TRIM58: variants seen among roughly 807,000 people sequenced by gnomAD.
TRIM58 encodes the protein tripartite motif containing 58.
A neutral mutation model predicts 34.1 loss-of-function variants in TRIM58; 38 were observed. That is an observed-to-expected ratio of 1.12 (90% CI 0.86 to 1.46). The LOEUF (loss-of-function observed/expected upper bound fraction) is 1.46, where lower values mean the gene tolerates loss of function less well. Among genes scored for constraint, TRIM58 ranks in the 40% most tolerant of loss-of-function variants. The pLI is 0.00. For synonymous variants in TRIM58, 273 were observed against 275.7 expected (o/e 0.99, Z 0.10); for missense variants, 677 against 642.0 (o/e 1.05, Z -0.59).
chr1:247,867,566 G>A (rs181636728), intron 3 of TRIM58, among the ~76,000 whole-genome samples: 5 of 152,200 alleles, frequency 3.3e-5, no homozygotes, highest in South Asian at 2.1e-4. Context: ...TTAGCCAGGC[G>A]TGGTGGCGGG....
Position 247,875,964 on chromosome 1 carries a change from T to C in TRIM58, c.936T>C (p.Ser312=), listed in dbSNP as rs1454213802. The change falls in exon 6 of 6, where the codon AGT becomes AGC. Residue 312 remains serine (S), a synonymous_variant. Transcript: ENST00000366481. ...PSLLLTADLR[S]VQDGEPWRDV... ...TGCTCTTGACCGCCGACCTGCGCAG[T>C]GTGCAGGATGGAGAACCATGGAGGG... 6.2e-7 allele frequency: 1 copy of C among 1,614,158 alleles called. No homozygotes were observed. Among genetic ancestry groups the C allele is most frequent in the African/African-American group, 1.3e-5 (1 of 75,040 alleles).
chr1:247,865,111 A>C (rs1249166963), intron 3 of TRIM58, among the ~76,000 whole-genome samples, 176 bp downstream of exon 3: 1 of 152,220 alleles, frequency 6.6e-6, no homozygotes, highest in Non-Finnish European at 1.5e-5. Context: ...CATTCCTGGC[A>C]TCAGAATCAT....
chr1:247,857,525 G>GCGGCGATGCGCGCGGCA lies in TRIM58; in HGVS notation c.286_302dup (p.Glu101AspfsTer9). ...TGGGGTTGGGCGCGGGGCCCGGGGC[G>GCGGCGATGCGCGCGGCA]CGGCGATGCGCGCGGCACGGCGAGG... On this transcript the variant is annotated frameshift_variant, in exon 1 of 6. Coordinates refer to ENST00000366481, the MANE Select transcript of TRIM58 (RefSeq NM_015431.4). LOFTEE classifies it high-confidence loss of function. 7.8e-7 allele frequency: 1 copy of GCGGCGATGCGCGCGGCA among 1,284,206 alleles called. No homozygotes were observed. The highest frequency in any genetic ancestry group is 3.2e-5 in the East Asian group (1 of 31,694). 79.6% of individuals were successfully genotyped at this position (1,284,206 alleles called of 1,614,324 possible).
At chr1:247,872,523 A>C (rs1028625185) in intron 5 of TRIM58, among the ~76,000 whole-genome samples, 1 of 152,230 alleles carries the variant, frequency 6.6e-6, no homozygotes, top group Non-Finnish European at 1.5e-5. Context: ...GCGACAGTTG[A>C]AGCAGAAGAA....
intron 3 of TRIM58, among the ~76,000 whole-genome samples, chr1:247,866,973 TG>T: frequency 6.6e-6 from 1 of 152,194 alleles, no homozygotes; most frequent in Non-Finnish European, 1.5e-5. Flanking sequence ...GACTGGCAAC[TG>T]TTTTTAAGGG....
chr1:247,875,391 G>A (rs993290092), intron 5 of TRIM58, among the ~76,000 whole-genome samples: 1 of 152,142 alleles, frequency 6.6e-6, no homozygotes, highest in African/African-American at 2.4e-5. Flanking sequence ...AGCCAGACAT[G>A]GTGGTGTGCA....
chr1:247,873,384 C>T (rs1215195822), intron 5 of TRIM58, among the ~76,000 whole-genome samples: 1 of 152,150 alleles, frequency 6.6e-6, no homozygotes, highest in African/African-American at 2.4e-5. Context: ...CAGACCATAT[C>T]AAAAGCCATT....
intron 5 of TRIM58, among the ~76,000 whole-genome samples, chr1:247,869,208 CAGTT>C (rs1664002468): frequency 6.6e-6 from 1 of 152,132 alleles, no homozygotes; most frequent in Non-Finnish European, 1.5e-5. Flanking sequence ...CCAATGAACT[CAGTT>C]ATTTTGGGTT....
chr1:247,866,757 C>T (rs768319434), intron 3 of TRIM58, among the ~76,000 whole-genome samples: 1 of 152,092 alleles, frequency 6.6e-6, no homozygotes, highest in African/African-American at 2.4e-5. Flanking sequence ...TGTGCACCAC[C>T]ACGCCCAGCT....
At chr1:247,874,600 A>T (rs1659238261) in intron 5 of TRIM58, among the ~76,000 whole-genome samples, 1 of 152,096 alleles carries the variant, frequency 6.6e-6, no homozygotes, top group Non-Finnish European at 1.5e-5. Flanking sequence ...TCATATCTAG[A>T]TGTATTTATT....
chr1:247,871,319 G>A (rs1218368606), intron 5 of TRIM58, among the ~76,000 whole-genome samples: 1 of 152,180 alleles, frequency 6.6e-6, no homozygotes, highest in East Asian at 1.9e-4. Context: ...AGAATTTGAT[G>A]AGTTGCTTGA....
At chr1:247,866,332 G>A (rs571248033) in intron 3 of TRIM58, among the ~76,000 whole-genome samples, 51 of 151,686 alleles carry the variant, frequency 3.4e-4, no homozygotes, top group Middle Eastern at 6.9e-3. Flanking sequence ...ATGTGCCACC[G>A]CACCTGGCTA....
At chr1:247,861,888 C>G (rs1663801439) in intron 2 of TRIM58, among the ~76,000 whole-genome samples, 1 of 152,074 alleles carries the variant, frequency 6.6e-6, no homozygotes, top group Admixed American at 6.5e-5. Context: ...CTTTGGGAAG[C>G]CGAAGCAGGT....
rs765983677 is a variant in TRIM58, at chr1:247,857,447, G to A, written c.201G>A (p.Ser67=). 1.4e-6 allele frequency: 2 copies of A among 1,423,032 alleles called. No individual in the cohort carries two copies. The highest frequency in any genetic ancestry group is 1.8e-6 in the Non-Finnish European group (2 of 1,081,230). 88.2% of individuals were successfully genotyped at this position (1,423,032 alleles called of 1,614,324 possible). A position where few individuals can be genotyped will look rare whatever the true frequency, so the allele number is the denominator to read the frequency against. ...CPQCRGPFRP[S]GFRPNRQLAG... is the part of the protein sequence containing the mutation. ...AGTGCCGGGGCCCCTTCCGGCCCTC[G>A]GGCTTTCGCCCCAACCGGCAGCTGG... Residue 67 remains serine (S), a synonymous_variant, in exon 1 of 6, where the codon TCG becomes TCA. Coordinates refer to ENST00000366481, the MANE Select transcript of TRIM58 (RefSeq NM_015431.4).
rs189225593 is a variant in TRIM58 at position 247,862,492 on chromosome 1, A to G, written c.516+1780A>G. 4.6e-5 allele frequency among the ~76,000 whole-genome samples: 7 copies of G among 152,332 alleles called. No individual in the cohort carries two copies. In the East Asian group the frequency reaches 1.4e-3, roughly 29 times the overall value. ...AGCTTTACAGTATTAAATAATGTTC[A>G]TTACTTGCCTATAATGTACATAGTG... On this transcript the variant is annotated intron_variant, in intron 2 of 5. Coordinates refer to ENST00000366481, the MANE Select transcript of TRIM58 (RefSeq NM_015431.4).
chr1:247,874,490 C>T (rs1659235513), intron 5 of TRIM58, among the ~76,000 whole-genome samples: 1 of 152,074 alleles, frequency 6.6e-6, no homozygotes, highest in African/African-American at 2.4e-5. Context: ...GACCGGGAGG[C>T]GATACACATC....
At position 247,864,850 on chromosome 1, in the gene TRIM58, G is replaced by A. The variant is rs760915539; in HGVS notation, c.662G>A (p.Arg221Gln). Reference sequence around the variant, plus strand: ...CAGAGACTGCGGGAGAGCAAGAGCCGGCTGGTCCAGCAGAGCAAGGCCCTG... The same window carrying A: ...CAGAGACTGCGGGAGAGCAAGAGCCAGCTGGTCCAGCAGAGCAAGGCCCTG... ...TLQRLRESKS[R>Q]LVQQSKALKE... is the part of the protein sequence containing the mutation. Residue 221 changes from arginine (R) to glutamine (Q), a missense_variant, in exon 3 of 6, where the codon CGG (arginine) becomes CAG (glutamine). Transcript: ENST00000366481. 15 of 1,612,458 alleles carry A rather than the reference G, an allele frequency of 9.3e-6. No homozygotes were observed. Among genetic ancestry groups the A allele is most frequent in the Non-Finnish European group, 1.3e-5 (15 of 1,179,680 alleles).
At chr1:247,861,202 A>G (rs1480504480) in intron 2 of TRIM58, among the ~76,000 whole-genome samples, 1 of 151,816 alleles carries the variant, frequency 6.6e-6, no homozygotes, top group Non-Finnish European at 1.5e-5. Flanking sequence ...TTTTTATTCC[A>G]TGTTTCATTC....
chr1:247,873,671 A>G (rs1175728151), intron 5 of TRIM58, among the ~76,000 whole-genome samples: 1 of 152,218 alleles, frequency 6.6e-6, no homozygotes, highest in Non-Finnish European at 1.5e-5. Context: ...GTTGGGTATC[A>G]ATAAAAATTC....
Sources: allele counts gnomAD v4.1 joint callset (sites outside exome capture counted in the v4.1 genomes callset), GRCh38; gene constraint gnomAD v4.1.1; transcripts MANE v1.5; gene names NCBI Gene and HGNC (gene_info 2026-07-23, HGNC 2026-07-21).